ALMS1: variants seen among roughly 807,000 people sequenced by gnomAD.
ALMS1 encodes the protein centrosome-associated protein ALMS1.
ALMS1 carries 271 observed loss-of-function variants against 352.2 expected under a neutral mutation model. That is an observed-to-expected ratio of 0.77 (90% confidence interval 0.70 to 0.85). The LOEUF (loss-of-function observed/expected upper bound fraction) is 0.85, where lower values mean the gene tolerates loss of function less well. ALMS1 is among the 40% of genes least tolerant of loss of function. ALMS1 has a pLI of 0.00. For missense variants in ALMS1, 5,445 were observed against 4,870.7 expected (o/e 1.12, Z -3.51); for synonymous variants, 1,865 against 1,761.2 (o/e 1.06, Z -1.48).
chr2:73,413,451 AT>A (rs561331146), intron 2 of ALMS1, among the ~76,000 whole-genome samples: 21 of 152,172 alleles, frequency 1.4e-4, no homozygotes, highest in Admixed American at 7.2e-4. Flanking sequence ...CCTTGGCACT[AT>A]TGACATTTTG....
intron 12 of ALMS1, among the ~76,000 whole-genome samples, chr2:73,540,447 A>C (rs539123857): frequency 6.6e-6 from 1 of 152,362 alleles, no homozygotes; most frequent in East Asian, 1.9e-4. Context: ...GAGGCTAGGA[A>C]GAAACTTCAT....
chr2:73,587,091 G>A (rs112269398), intron 16 of ALMS1, among the ~76,000 whole-genome samples: 19,775 of 152,100 alleles, frequency 0.13, 1,369 homozygotes, highest in East Asian at 0.22. Flanking sequence ...CTTTGTTGGT[G>A]CATAGCAGTG....
chr2:73,419,113 A>G lies in ALMS1; in HGVS notation c.451-10A>G. ...ATGACTTAGCATGTTTTCCTTTAAC[A>G]TTTTTCTAGAAAACAGAATCTTGGC... On this transcript the variant is annotated splice_polypyrimidine_tract_variant and intron_variant, in intron 2 of 22. Transcript: ENST00000613296. The G allele has an allele frequency of 4.3e-6, 7 of 1,611,538 alleles. No individual in the cohort carries two copies. Among genetic ancestry groups the G allele is most frequent in the East Asian group, 2.2e-5 (1 of 44,840 alleles).
rs777273518 is a variant in ALMS1 at position 73,451,544 on chromosome 2, A to AT, written c.5021dup (p.Tyr1675LeufsTer12). 1 of 1,613,824 alleles carries AT rather than the reference A, an allele frequency of 6.2e-7. No homozygotes were observed. The highest frequency in any genetic ancestry group is 8.5e-7 in the Non-Finnish European group (1 of 1,179,910). The stretch of plus-strand genomic sequence containing the variant: ...CTACTCAAATAGGGGGAAGCCTGTC[A>AT]TTTTCTACCAGCAGACCCTATCAGA... On this transcript the variant is annotated frameshift_variant, in exon 8 of 23. Coordinates refer to ENST00000613296, the MANE Select transcript of ALMS1 (RefSeq NM_001378454.1). LOFTEE classifies it high-confidence loss of function.
chr2:73,524,715 A>G (rs1023361150), intron 11 of ALMS1, among the ~76,000 whole-genome samples: 2 of 152,202 alleles, frequency 1.3e-5, no homozygotes, highest in African/African-American at 4.8e-5. Context: ...GGCCTCCCAA[A>G]GTGCTGGATT....
chr2:73,485,022 G>A (rs1215231189), intron 9 of ALMS1, among the ~76,000 whole-genome samples: 1 of 144,260 alleles, frequency 6.9e-6, no homozygotes. Context: ...TGGTTTGAAT[G>A]TCCTCCCGTA....
chr2:73,427,605 T>C (rs1671408458), intron 6 of ALMS1, among the ~76,000 whole-genome samples: 1 of 152,232 alleles, frequency 6.6e-6, no homozygotes, highest in East Asian at 1.9e-4. Flanking sequence ...GTCATCTACA[T>C]TAGGTATTTC....
At chr2:73,404,899 CTTTTTTTTTTT>C (rs58122480) in intron 1 of ALMS1, among the ~76,000 whole-genome samples, 9 of 60,782 alleles carry the variant, frequency 1.5e-4, no homozygotes, top group African/African-American at 6.4e-4. Flanking sequence ...TGTCCTGGAC[CTTTTTTTTTTT>C]TTTTTTTTTT....
intron 7 of ALMS1, among the ~76,000 whole-genome samples, chr2:73,440,034 G>A (rs1671683974): frequency 6.6e-6 from 1 of 151,570 alleles, no homozygotes; most frequent in African/African-American, 2.4e-5. Context: ...AGGCTGGAGT[G>A]CAGTGGTGCT....
intron 16 of ALMS1, among the ~76,000 whole-genome samples, chr2:73,582,318 G>A (rs1675201037): frequency 6.6e-6 from 1 of 151,972 alleles, no homozygotes; most frequent in African/African-American, 2.4e-5. Context: ...ATTAAATAAA[G>A]GTGTGTTCAA....
intron 9 of ALMS1, among the ~76,000 whole-genome samples, chr2:73,473,094 A>G (rs1006893726): frequency 2.6e-5 from 4 of 152,014 alleles, no homozygotes; most frequent in South Asian, 2.1e-4. Flanking sequence ...GGATTGGACA[A>G]CTCCTCAGAG....
chr2:73,418,600 C>T (rs1267719457), intron 2 of ALMS1, among the ~76,000 whole-genome samples: 1 of 152,216 alleles, frequency 6.6e-6, no homozygotes, highest in African/African-American at 2.4e-5. Context: ...ACATGACTCT[C>T]TGCTGACTGG....
rs754702823 is a variant in ALMS1, at chr2:73,534,938, G to GC, written c.9897dup (p.Ser3300LeufsTer7). ...TCCAAATCAGATACCACCGTTGAAA[G>GC]CTCCCATTCAGGTATTATGCAGAAA... On this transcript the variant is annotated frameshift_variant, in exon 12 of 23. Coordinates refer to ENST00000613296, the MANE Select transcript of ALMS1 (RefSeq NM_001378454.1). LOFTEE classifies it high-confidence loss of function. 8.7e-6 allele frequency: 14 copies of GC among 1,613,732 alleles called. No individual in the cohort carries two copies. Among genetic ancestry groups the GC allele is most frequent in the Non-Finnish European group, 1.2e-5 (14 of 1,179,748 alleles).
intron 16 of ALMS1, among the ~76,000 whole-genome samples, chr2:73,585,657 G>A (rs1216518602): frequency 1.1e-4 from 16 of 150,918 alleles, no homozygotes; most frequent in Admixed American, 9.9e-4. Flanking sequence ...GCCTCCCAAA[G>A]TGCTGGGATT....
chr2:73,517,649 A>ATTTTAT (rs1237908012), intron 10 of ALMS1, among the ~76,000 whole-genome samples: 4 of 150,366 alleles, frequency 2.7e-5, no homozygotes, highest in African/African-American at 9.8e-5. Context: ...TTTTTTTTTC[A>ATTTTAT]TTTTATTTTT....
At chr2:73,444,528 G>A (rs1395288101) in intron 7 of ALMS1, among the ~76,000 whole-genome samples, 2 of 152,188 alleles carry the variant, frequency 1.3e-5, no homozygotes, top group African/African-American at 4.8e-5. Flanking sequence ...CTTAGTGATA[G>A]CAACAACAAA....
rs752903713 is a variant in ALMS1 at position 73,490,194 on chromosome 2, A to G, written c.8235A>G (p.Ala2745=). ...GVTEGSQCTG[A]SVGVFNSHFT... ...CTGAAGGTAGCCAGTGTACTGGAGC[A>G]TCTGTGGGGGTATTTAATTCTCATT... The change falls in exon 10 of 23, where the codon GCA becomes GCG. Residue 2745 remains alanine (A), a synonymous_variant. Transcript: ENST00000613296. The G allele has an allele frequency of 1.2e-6, 2 of 1,614,180 alleles. No homozygotes were observed. The highest frequency in any genetic ancestry group is 2.2e-5 in the East Asian group (1 of 44,884).
At chr2:73,422,643 A>G (rs1055651854) in intron 3 of ALMS1, among the ~76,000 whole-genome samples, 10 of 152,108 alleles carry the variant, frequency 6.6e-5, no homozygotes, top group African/African-American at 9.7e-5. Flanking sequence ...CAAGGTTGTC[A>G]TGAGGATTAA....
At chr2:73,473,312 G>T (rs1181023986) in intron 9 of ALMS1, among the ~76,000 whole-genome samples, 1 of 151,840 alleles carries the variant, frequency 6.6e-6, no homozygotes, top group East Asian at 1.9e-4. Context: ...TAAGGAACCT[G>T]TCAAAATAGT....
Sources: gnomAD v4.1 joint callset for allele counts (sites outside exome capture counted in the v4.1 genomes callset) on GRCh38, gnomAD v4.1.1 for gene constraint, MANE v1.5 for transcripts, NCBI Gene and HGNC (gene_info 2026-07-23, HGNC 2026-07-21) for gene names.